Variants in OVGP1 observed in about 807,000 individuals in gnomAD.
OVGP1 encodes the protein oviduct-specific glycoprotein.
OVGP1 carries 26 observed loss-of-function variants against 48.2 expected under a neutral mutation model. The observed-to-expected ratio is 0.54, with a 90% CI of 0.40 to 0.75. OVGP1 has a LOEUF of 0.75. Ranked by LOEUF, OVGP1 falls within the 30% of genes least tolerant of loss-of-function variation. The pLI, the probability that OVGP1 is intolerant of heterozygous loss-of-function variation, is 0.00. For synonymous variants in OVGP1, 294 were observed against 305.7 expected, an observed-to-expected ratio of 0.96 and a Z score of 0.40; for missense variants, 791 against 820.6, an observed-to-expected ratio of 0.96 and a Z score of 0.44.
chr1:111,426,426 T>C lies in OVGP1; in HGVS notation c.260+11A>G. 1.2e-6 allele frequency: 2 copies of C among 1,613,936 alleles called. No homozygotes were observed. Among genetic ancestry groups the C allele is most frequent in the Non-Finnish European group, 1.7e-6 (2 of 1,179,948 alleles). On this transcript the variant is annotated intron_variant, in intron 3 of 10. Coordinates refer to ENST00000369732, the MANE Select transcript of OVGP1 (RefSeq NM_002557.4). ...CTGAAAATACAACCCCCACATCCAA[T>C]ATGAACACACCTCTCCTTTAGTTTG...
At chr1:111,426,086 A>C (rs1048313553) in intron 3 of OVGP1, among the ~76,000 whole-genome samples, 4 of 152,218 alleles carry the variant, frequency 2.6e-5, no homozygotes, top group Non-Finnish European at 4.4e-5. Flanking sequence ...ACGGTAATAA[A>C]AACATGAGCA....
intron 8 of OVGP1, among the ~76,000 whole-genome samples, chr1:111,420,658 G>A (rs761070494): frequency 2.6e-5 from 4 of 152,176 alleles, no homozygotes; most frequent in East Asian, 1.9e-4. Context: ...TATGTGGCTC[G>A]TATTGCCACC....
intron 4 of OVGP1, among the ~76,000 whole-genome samples, chr1:111,424,256 C>A (rs539875379): frequency 6.6e-6 from 1 of 152,314 alleles, no homozygotes; most frequent in Non-Finnish European, 1.5e-5. Context: ...ATAACGGGAT[C>A]CTGATCCTGT....
intron 8 of OVGP1, 146 bp downstream of exon 8, chr1:111,421,130 A>G (rs766743755): frequency 1.5e-5 from 9 of 583,248 alleles, no homozygotes; most frequent in Non-Finnish European, 2.5e-5. Flanking sequence ...AAAATATCCC[A>G]GAGAGTGGGT....
intron 8 of OVGP1, among the ~76,000 whole-genome samples, chr1:111,420,669 T>G (rs1652245250): frequency 6.6e-6 from 1 of 152,210 alleles, no homozygotes; most frequent in Non-Finnish European, 1.5e-5. Context: ...TATTGCCACC[T>G]CTGGTGGTTA....
In OVGP1 at chr1:111,414,422, G is replaced by A. The variant is rs1652066829; in HGVS notation, c.*42C>T. On this transcript the variant is annotated 3_prime_UTR_variant, in exon 11 of 11. Transcript: ENST00000369732. ...AAGGCTTCCAACATGTCACTTAGAA[G>A]AAAAGACAAGGGTTTTCCCTGGTTT... 1 of 1,541,440 alleles carries A rather than the reference G, an allele frequency of 6.5e-7. No individual in the cohort carries two copies. Among genetic ancestry groups the A allele is most frequent in the Non-Finnish European group, 8.8e-7 (1 of 1,142,650 alleles).
rs1652081981 is a variant in OVGP1, at chr1:111,414,819, G to A, written c.1682C>T (p.Thr561Ile). The A allele has an allele frequency of 6.3e-7, 1 of 1,596,704 alleles. No homozygotes were observed. Among genetic ancestry groups the A allele is most frequent in the South Asian group, 1.1e-5 (1 of 89,202 alleles). ...CACAGCCTTCCTTCTAGGGGCCACT[G>A]TATTCTGTCTAAGGGTCTCAGTCTG... Reference protein sequence around the residue: ...HFQTETLRQNTVAPRRKAVAR... With the variant: ...HFQTETLRQNIVAPRRKAVAR... Residue 561 changes from threonine (T) to isoleucine (I), a missense_variant, in exon 11 of 11, where the codon ACA becomes ATA. Physicochemically the swap from Thr to Ile is moderately conservative, Grantham distance 89 (BLOSUM62 -1). Transcript: ENST00000369732.
Position 111,425,389 on chromosome 1 carries a change from G to A in OVGP1, c.311C>T (p.Thr104Ile), listed in dbSNP as rs1244925891. ...LLSIGGWNFG[T>I]SRFTTMLSTF... ...AATAACAGCAAAGTCTCACCTTGAG[G>A]TGCCAAAGTTCCACCCGCCGATGGA... Residue 104 changes from threonine (T) to isoleucine (I), a missense_variant, in exon 4 of 11, where the codon ACC becomes ATC. Thr to Ile is a moderately conservative substitution (Grantham distance 89). Coordinates refer to ENST00000369732, the MANE Select transcript of OVGP1 (RefSeq NM_002557.4). The A allele has an allele frequency of 1.2e-6, 2 of 1,613,744 alleles. No homozygotes were observed. Among genetic ancestry groups the A allele is most frequent in the East Asian group, 2.2e-5 (1 of 44,868 alleles).
chr1:111,414,388 C>A lies in OVGP1; in HGVS notation c.*76G>T, dbSNP rs773100630. The A allele has an allele frequency of 3.0e-6, 4 of 1,351,900 alleles. No individual in the cohort carries two copies. The Admixed American group carries it at 6.7e-5, about 22-fold the overall frequency. 83.7% of individuals were successfully genotyped at this position (1,351,900 alleles called of 1,614,324 possible). A position where few individuals can be genotyped will look rare whatever the true frequency, so the allele number is the denominator to read the frequency against. On this transcript the variant is annotated 3_prime_UTR_variant, in exon 11 of 11. Transcript: ENST00000369732. ...TCTGGTTTTGATGCCTGCTTTGCCC[C>A]GGGATGAGAAGGCTTCCAACATGTC...
At chr1:111,423,518 T>A in intron 5 of OVGP1, 25 bp downstream of exon 5, 1 of 1,609,922 alleles carries the variant, frequency 6.2e-7, no homozygotes, top group Non-Finnish European at 8.5e-7. Flanking sequence ...ATTTCTGGAT[T>A]CTGGCGCTTC....
chr1:111,421,501 G>C (rs762879321), intron 7 of OVGP1, 40 bp from the exon 8 acceptor site: 19 of 1,608,952 alleles, frequency 1.2e-5, no homozygotes, highest in Non-Finnish European at 1.5e-5. Context: ...TTGTTACTAA[G>C]AGCCAATGGC....
rs1571351339 is a variant in OVGP1, at chr1:111,414,829, T to C, written c.1672A>G (p.Arg558Gly). The stretch of plus-strand genomic sequence containing the variant: ...CTTCTAGGGGCCACTGTATTCTGTC[T>C]AAGGGTCTCAGTCTGAAAATGGACA... Reference protein sequence around the residue: ...TPVHFQTETLRQNTVAPRRKA... With the variant: ...TPVHFQTETLGQNTVAPRRKA... The change falls in exon 11 of 11, where the codon AGA becomes GGA. Residue 558 changes from arginine (R) to glycine (G), a missense_variant. Transcript: ENST00000369732. The C allele has an allele frequency of 2.5e-6, 4 of 1,595,748 alleles. No individual in the cohort carries two copies. In the African/African-American group the frequency reaches 5.4e-5, roughly 21 times the overall value.
intron 3 of OVGP1, 193 bp from the exon 4 acceptor site, chr1:111,425,632 C>A (rs1264170460): frequency 1.9e-6 from 2 of 1,076,898 alleles, no homozygotes; most frequent in African/African-American, 1.6e-5. Flanking sequence ...ACAGAGAGAA[C>A]AATCAACCCA....
chr1:111,421,016 G>A (rs1274992726), intron 8 of OVGP1, among the ~76,000 whole-genome samples: 3 of 152,118 alleles, frequency 2.0e-5, no homozygotes, highest in African/African-American at 7.2e-5. Context: ...TACCTGTATA[G>A]CATATAAGAT....
At position 111,414,911 on chromosome 1, in the gene OVGP1, C is replaced by T. The variant is rs112145355; in HGVS notation, c.1590G>A (p.Gln530=). ...ACTGATGACTCACAGGGGTCACAGA[C>T]TGATGACCCACAGGGGTCAGGGTCT... is the stretch of plus-strand genomic sequence containing the variant. ...GEKTLTPVGH[Q]SVTPVSHQSV... is the part of the protein sequence containing the mutation. Residue 530 remains glutamine (Q), a synonymous_variant, in exon 11 of 11, where the codon CAG becomes CAA. Transcript: ENST00000369732. 1.2e-5 allele frequency: 18 copies of T among 1,557,958 alleles called. No individual in the cohort carries two copies. The highest frequency in any genetic ancestry group is 7.0e-5 in the East Asian group (3 of 43,016).
chr1:111,415,413 A>G, intron 10 of OVGP1, 69 bp from the exon 11 acceptor site: 2 of 1,404,192 alleles, frequency 1.4e-6, no homozygotes, highest in East Asian at 4.8e-5. Flanking sequence ...TTACTGGCAG[A>G]ACTAGAACCA....
chr1:111,427,648 C>T, intron 1 of OVGP1, 49 bp downstream of exon 1: 1 of 1,607,750 alleles, frequency 6.2e-7, no homozygotes, highest in Non-Finnish European at 8.5e-7. Context: ...ACTCATAAAG[C>T]CTGGCACTTC....
At chr1:111,415,724 G>A (rs1356860725) in intron 10 of OVGP1, among the ~76,000 whole-genome samples, 1 of 152,196 alleles carries the variant, frequency 6.6e-6, no homozygotes, top group Non-Finnish European at 1.5e-5. Flanking sequence ...TGCTCAAGGA[G>A]AAGCTTCTTA....
At chr1:111,421,235 G>A (rs1313030243) in intron 8 of OVGP1, 41 bp downstream of exon 8, 1 of 1,539,530 alleles carries the variant, frequency 6.5e-7, no homozygotes, top group African/African-American at 1.4e-5. Flanking sequence ...CTGGGGGTGG[G>A]AGAGTCCTAA....
Sources: gnomAD v4.1 joint callset for allele counts (sites outside exome capture counted in the v4.1 genomes callset) on GRCh38, gnomAD v4.1.1 for gene constraint, MANE v1.5 for transcripts, NCBI Gene and HGNC (gene_info 2026-07-23, HGNC 2026-07-21) for gene names.